SUSD1: variants seen among roughly 807,000 people sequenced by gnomAD.
SUSD1 encodes sushi domain-containing protein 1.
A neutral mutation model predicts 86.9 loss-of-function variants in SUSD1; 65 were observed. The ratio of observed to expected loss-of-function variants is 0.75; its 90% confidence interval spans 0.61 to 0.92. The LOEUF (loss-of-function observed/expected upper bound fraction) is 0.92. SUSD1 is among the 40% of genes least tolerant of loss of function. The probability of loss-of-function intolerance (pLI) is 0.00; values close to 1 mark genes in which losing one functional copy is unlikely to be tolerated. For synonymous variants in SUSD1, 346 were observed against 350.0 expected (o/e 0.99, Z 0.13); for missense variants, 850 against 929.7 (o/e 0.91, Z 1.11).
At position 112,098,524 on chromosome 9, in the gene SUSD1, G is replaced by C. The variant is rs759398570; in HGVS notation, c.1420C>G (p.Leu474Val). 1.1e-5 allele frequency: 17 copies of C among 1,614,060 alleles called. No homozygotes were observed. Among genetic ancestry groups the C allele is most frequent in the African/African-American group, 2.7e-5 (2 of 74,922 alleles). ...TTDYTVNVTLLRSPKRHSVQI... is the reference protein window; with the variant it reads ...TTDYTVNVTLVRSPKRHSVQI... ...ACTGAGTGCCGCTTAGGAGATCTCA[G>C]CAGGGTCACATTCACCGTATAATCA... Residue 474 changes from leucine to valine, a missense_variant, in exon 10 of 17, where the codon CTG becomes GTG. By Grantham distance (32) the Leu-to-Val change is conservative (BLOSUM62 1). Transcript: ENST00000374270.
At chr9:112,121,345 CT>C (rs1831546731) in intron 6 of SUSD1, among the ~76,000 whole-genome samples, 1 of 152,188 alleles carries the variant, frequency 6.6e-6, no homozygotes, top group South Asian at 2.1e-4. Context: ...AGCTTTCCAT[CT>C]ATCCCAAGAA....
intron 13 of SUSD1, among the ~76,000 whole-genome samples, chr9:112,062,287 A>G (rs1828763099): frequency 6.6e-6 from 1 of 152,234 alleles, no homozygotes; most frequent in Non-Finnish European, 1.5e-5. Context: ...ATGAGTGCAA[A>G]GGACAATCCT....
chr9:112,103,880 A>C (rs1830725756), intron 8 of SUSD1, among the ~76,000 whole-genome samples: 1 of 152,174 alleles, frequency 6.6e-6, no homozygotes, highest in Non-Finnish European at 1.5e-5. Flanking sequence ...CCATGGAAAA[A>C]TCAAGACAGG....
intron 6 of SUSD1, among the ~76,000 whole-genome samples, chr9:112,115,766 G>A (rs928260997): frequency 1.5e-5 from 2 of 135,538 alleles, no homozygotes; most frequent in Admixed American, 1.7e-4. Context: ...CCAAGATTGT[G>A]CCACTGCACT....
intron 5 of SUSD1, among the ~76,000 whole-genome samples, chr9:112,128,852 G>A (rs1007055153): frequency 2.0e-5 from 3 of 152,188 alleles, no homozygotes; most frequent in African/African-American, 7.2e-5. Flanking sequence ...TGCATGGCAG[G>A]AGCCTAGTTA....
rs1554770287 is a variant in SUSD1 at position 112,138,240 on chromosome 9, T to TATATATATATGTATGTATATACAC, written c.706+4079_706+4080insGTGTATATACATACATATATATAT. 3.2e-4 allele frequency among the ~76,000 whole-genome samples: 8 copies of TATATATATATGTATGTATATACAC among 25,050 alleles called. 1 individual carries two copies. Among genetic ancestry groups the TATATATATATGTATGTATATACAC allele is most frequent in the African/African-American group, 1.2e-3 (8 of 6,664 alleles). The allele number at this position is 25,050 out of a possible 152,430, so 16.4% of individuals were successfully genotyped here. A position where few individuals can be genotyped will look rare whatever the true frequency, so the allele number is the denominator to read the frequency against. ...CTCCATCTCAAAAAAAAAATGTGTA[T>TATATATATATGTATGTATATACAC]ATATATATATATATATGTGTATATA... is the stretch of plus-strand genomic sequence containing the variant. On this transcript the variant is annotated intron_variant, in intron 5 of 16. Coordinates refer to ENST00000374270, the MANE Select transcript of SUSD1 (RefSeq NM_022486.5).
chr9:112,139,217 C>A (rs1832450615), intron 5 of SUSD1, among the ~76,000 whole-genome samples: 1 of 151,828 alleles, frequency 6.6e-6, no homozygotes, highest in Non-Finnish European at 1.5e-5. Flanking sequence ...TTTTTACATT[C>A]TTTTTTTTAA....
At chr9:112,141,538 G>T (rs1832563039) in intron 5 of SUSD1, among the ~76,000 whole-genome samples, 1 of 151,932 alleles carries the variant, frequency 6.6e-6, no homozygotes, top group African/African-American at 2.4e-5. Flanking sequence ...TTAGCCGGGT[G>T]TAGTGGTGGG....
chr9:112,171,227 G>A (rs1340061478), intron 1 of SUSD1, among the ~76,000 whole-genome samples: 2 of 152,068 alleles, frequency 1.3e-5, no homozygotes, highest in East Asian at 1.9e-4. Flanking sequence ...CCAGCTGGGC[G>A]TACCTGAACC....
intron 11 of SUSD1, among the ~76,000 whole-genome samples, chr9:112,079,612 T>C (rs1829679099): frequency 6.6e-6 from 1 of 151,894 alleles, no homozygotes; most frequent in African/African-American, 2.4e-5. Context: ...TCCTTTTTTT[T>C]TTTTTTTCGA....
intron 2 of SUSD1, among the ~76,000 whole-genome samples, chr9:112,155,838 T>G (rs1038244889): frequency 7.3e-5 from 10 of 136,166 alleles, no homozygotes; most frequent in African/African-American, 2.5e-4. Flanking sequence ...AAGAAGAGAA[T>G]GAAGAAGAAG....
rs71382407 is a variant in SUSD1, at chr9:112,107,254, C to CAA, written c.1171+4398_1171+4399dup. On this transcript the variant is annotated intron_variant, in intron 8 of 16. Coordinates refer to ENST00000374270, the MANE Select transcript of SUSD1 (RefSeq NM_022486.5). ...TGGGCAACAGAGCTAGACCATATCTCAAAAAAAAAAAAAAAAAAAGAAAAG... is the reference window on the plus strand; with the variant it reads ...TGGGCAACAGAGCTAGACCATATCTCAAAAAAAAAAAAAAAAAAAAAGAAAAG... Among the ~76,000 whole-genome samples, 644 of 66,100 alleles carry CAA rather than the reference C, an allele frequency of 9.7e-3. 4 individuals are homozygous for CAA. The highest frequency in any genetic ancestry group is 0.013 in the Non-Finnish European group (491 of 37,198). The allele number at this position is 66,100 out of a possible 152,430, so 43.4% of individuals were successfully genotyped here. A position where few individuals can be genotyped will look rare whatever the true frequency, so the allele number is the denominator to read the frequency against.
At chr9:112,053,513 CAAAAAAAA>C (rs56987871) in intron 14 of SUSD1, among the ~76,000 whole-genome samples, 2 of 77,664 alleles carry the variant, frequency 2.6e-5, no homozygotes, top group South Asian at 5.0e-4. Context: ...GACTTCGTCT[CAAAAAAAA>C]AAAAAAAAAA....
intron 12 of SUSD1, among the ~76,000 whole-genome samples, chr9:112,065,950 A>G (rs1160769025): frequency 6.6e-6 from 1 of 152,220 alleles, no homozygotes; most frequent in Non-Finnish European, 1.5e-5. Context: ...TGCCAATTCT[A>G]TGCTAGGAAC....
chr9:112,166,543 G>A (rs1833833956), intron 1 of SUSD1, among the ~76,000 whole-genome samples: 1 of 152,144 alleles, frequency 6.6e-6, no homozygotes. Flanking sequence ...TCAGAATCCT[G>A]GGGAAAGAAA....
At chr9:112,140,722 C>A (rs528918768) in intron 5 of SUSD1, among the ~76,000 whole-genome samples, 1 of 152,156 alleles carries the variant, frequency 6.6e-6, no homozygotes, top group Non-Finnish European at 1.5e-5. Flanking sequence ...AAACAAATTA[C>A]AGTCATGCAT....
intron 15 of SUSD1, among the ~76,000 whole-genome samples, chr9:112,050,076 C>A (rs1478523570): frequency 6.6e-6 from 1 of 152,184 alleles, no homozygotes; most frequent in Admixed American, 6.5e-5. Flanking sequence ...TGTCTGGAAG[C>A]TTTGTCATCT....
intron 12 of SUSD1, among the ~76,000 whole-genome samples, chr9:112,078,143 G>C (rs77530474): frequency 6.6e-6 from 1 of 152,024 alleles, no homozygotes; most frequent in Admixed American, 6.5e-5. Flanking sequence ...CCAGGAGTTC[G>C]AGACCAGCCT....
chr9:112,156,161 TA>T (rs35304715), intron 2 of SUSD1, among the ~76,000 whole-genome samples: 4,802 of 136,936 alleles, frequency 0.035, 98 homozygotes, highest in Non-Finnish European at 0.051. Context: ...AAAATAAAGG[TA>T]AAAAAAAAAA....
Sources: allele counts gnomAD v4.1 joint callset (sites outside exome capture counted in the v4.1 genomes callset), GRCh38; gene constraint gnomAD v4.1.1; transcripts MANE v1.5; gene names NCBI Gene and HGNC (gene_info 2026-07-23, HGNC 2026-07-21).